The following ZBTB20 variants were observed in gnomAD, a reference collection of about 807,000 sequenced individuals.
ZBTB20 encodes zinc finger and BTB domain-containing protein 20.
ZBTB20 carries 9 observed loss-of-function variants against 56.9 expected under a neutral mutation model. The observed-to-expected ratio is 0.16, with a 90% confidence interval of 0.10 to 0.28. The LOEUF is 0.28. Ranked by LOEUF, ZBTB20 falls within the 10% of genes least tolerant of loss-of-function variation. ZBTB20 has a pLI of 1.00. For synonymous variants in ZBTB20, 417 were observed against 420.7 expected (o/e 0.99, Z 0.11); for missense variants, 655 against 1,003.0 (o/e 0.65, Z 4.69).
chr3:114,879,178 T>C (rs1285107388), intron 4 of ZBTB20, among the ~76,000 whole-genome samples: 1 of 152,188 alleles, frequency 6.6e-6, no homozygotes, highest in African/African-American at 2.4e-5. Flanking sequence ...TACCACTCTG[T>C]GGGGCTGCAG....
intron 6 of ZBTB20, among the ~76,000 whole-genome samples, chr3:114,679,819 A>G (rs1216781198): frequency 1.3e-5 from 2 of 152,236 alleles, no homozygotes; most frequent in East Asian, 3.8e-4. Flanking sequence ...TCATTCTACT[A>G]TAAAGACTCA....
intron 5 of ZBTB20, among the ~76,000 whole-genome samples, chr3:114,753,212 A>T (rs1415025587): frequency 6.7e-6 from 1 of 149,082 alleles, no homozygotes; most frequent in African/African-American, 2.5e-5. Context: ...AAAATGAAGC[A>T]TATTTTTTAT....
intron 2 of ZBTB20, among the ~76,000 whole-genome samples, chr3:115,064,954 T>G (rs2082154585): frequency 6.6e-6 from 1 of 152,162 alleles, no homozygotes; most frequent in Admixed American, 6.6e-5. Context: ...TTATGGGCAC[T>G]CAGAAGATCC....
At chr3:114,788,211 A>C (rs1173363937) in intron 5 of ZBTB20, among the ~76,000 whole-genome samples, 1 of 152,176 alleles carries the variant, frequency 6.6e-6, no homozygotes, top group Non-Finnish European at 1.5e-5. Flanking sequence ...ATATATATTA[A>C]AAATTGACCA....
chr3:114,769,879 T>C (rs1405262979), intron 5 of ZBTB20, among the ~76,000 whole-genome samples: 1 of 151,584 alleles, frequency 6.6e-6, no homozygotes, highest in Non-Finnish European at 1.5e-5. Flanking sequence ...GCCCACATGG[T>C]GAAACCCTGT....
At chr3:114,892,760 A>G (rs1004166699) in intron 4 of ZBTB20, among the ~76,000 whole-genome samples, 25 of 152,152 alleles carry the variant, frequency 1.6e-4, no homozygotes, top group African/African-American at 5.6e-4. Flanking sequence ...ACATCAAACT[A>G]GTTGAAGAGA....
chr3:114,537,086 C>T (rs2048552088), intron 6 of ZBTB20, among the ~76,000 whole-genome samples: 1 of 152,110 alleles, frequency 6.6e-6, no homozygotes, highest in Admixed American at 6.6e-5. Flanking sequence ...TGGGCAAAGA[C>T]TTCATGACTA....
intron 2 of ZBTB20, among the ~76,000 whole-genome samples, chr3:114,975,549 A>T (rs1363647181): frequency 6.6e-6 from 1 of 152,144 alleles, no homozygotes; most frequent in Non-Finnish European, 1.5e-5. Context: ...GATTGGTTGC[A>T]CTAATAGACA....
chr3:114,978,033 T>C (rs1576473129), intron 2 of ZBTB20, among the ~76,000 whole-genome samples: 1 of 148,646 alleles, frequency 6.7e-6, no homozygotes, highest in Non-Finnish European at 1.5e-5. Flanking sequence ...AAAAAAAGTG[T>C]AAGGCAGAAA....
intron 4 of ZBTB20, among the ~76,000 whole-genome samples, chr3:114,819,919 T>C (rs2073143427): frequency 6.6e-6 from 1 of 151,954 alleles, no homozygotes; most frequent in South Asian, 2.1e-4. Context: ...AAAAACATTC[T>C]AGTTCCTTAT....
At chr3:114,391,354 G>A (rs1179843329) in intron 7 of ZBTB20, among the ~76,000 whole-genome samples, 2 of 151,998 alleles carry the variant, frequency 1.3e-5, no homozygotes, top group East Asian at 1.9e-4. Flanking sequence ...TCCATTCTAC[G>A]CTCCAGCAAA....
At chr3:114,852,514 G>A (rs1459154211) in intron 4 of ZBTB20, among the ~76,000 whole-genome samples, 2 of 151,952 alleles carry the variant, frequency 1.3e-5, no homozygotes, top group African/African-American at 2.4e-5. Flanking sequence ...TCCACCCGCC[G>A]CAGCCTCCCA....
chr3:115,035,895 A>C (rs985208194), intron 2 of ZBTB20, among the ~76,000 whole-genome samples: 27 of 152,344 alleles, frequency 1.8e-4, no homozygotes, highest in Middle Eastern at 3.4e-3. Context: ...CAGTCTTAAA[A>C]AGTAAGGAAA....
intron 2 of ZBTB20, among the ~76,000 whole-genome samples, chr3:115,007,996 T>C (rs916918089): frequency 7.2e-5 from 11 of 151,864 alleles, no homozygotes; most frequent in African/African-American, 2.7e-4. Flanking sequence ...TATGGGTTCT[T>C]CTTCTGCTTT....
intron 2 of ZBTB20, among the ~76,000 whole-genome samples, chr3:114,994,392 C>T (rs2078944554): frequency 6.6e-6 from 1 of 151,848 alleles, no homozygotes; most frequent in South Asian, 2.1e-4. Flanking sequence ...CTGATATAAA[C>T]TATTACAGAA....
At chr3:114,741,436 A>T (rs987190191) in intron 5 of ZBTB20, among the ~76,000 whole-genome samples, 3 of 152,188 alleles carry the variant, frequency 2.0e-5, no homozygotes, top group African/African-American at 7.2e-5. Context: ...GACTTTTAGA[A>T]AGTCTAATTT....
At chr3:115,069,861 A>G (rs961953665) in intron 2 of ZBTB20, among the ~76,000 whole-genome samples, 8 of 152,008 alleles carry the variant, frequency 5.3e-5, no homozygotes, top group Admixed American at 5.3e-4. Context: ...ACAAAAAAAA[A>G]AAAATATTCT....
chr3:114,791,046 T>C (rs2070924706), intron 5 of ZBTB20, among the ~76,000 whole-genome samples: 1 of 152,134 alleles, frequency 6.6e-6, no homozygotes, highest in South Asian at 2.1e-4. Flanking sequence ...TAATATATGA[T>C]ATTTATAAAC....
intron 5 of ZBTB20, among the ~76,000 whole-genome samples, chr3:114,734,985 T>G (rs987229572): frequency 3.3e-5 from 5 of 151,184 alleles, no homozygotes; most frequent in Admixed American, 3.3e-4. Context: ...GGGGAGAAAG[T>G]GCCAACTCTA....
Sources: gnomAD v4.1 joint callset for allele counts (sites outside exome capture counted in the v4.1 genomes callset) on GRCh38, gnomAD v4.1.1 for gene constraint, MANE v1.5 for transcripts, NCBI Gene and HGNC (gene_info 2026-07-23, HGNC 2026-07-21) for gene names.